PRKDC: variants seen among roughly 807,000 people sequenced by gnomAD.
PRKDC encodes the protein protein kinase, DNA-activated, catalytic subunit, also known as DNA-dependent protein kinase catalytic subunit.
A neutral mutation model predicts 486.9 loss-of-function variants in PRKDC; 82 were observed. The ratio of observed to expected loss-of-function variants is 0.17; its 90% CI spans 0.14 to 0.20. The LOEUF (loss-of-function observed/expected upper bound fraction) is 0.20. Ranked by LOEUF, PRKDC falls within the 10% of genes least tolerant of loss-of-function variation. The pLI is 1.00. For missense variants in PRKDC, 4,504 were observed against 5,038.2 expected, an observed-to-expected ratio of 0.89 and a Z score of 3.21; for synonymous variants, 1,895 against 1,837.0, an observed-to-expected ratio of 1.03 and a Z score of -0.81.
At chr8:47,821,566 A>C in intron 65 of PRKDC, 38 bp downstream of exon 65, 1 of 1,539,652 alleles carries the variant, frequency 6.5e-7, no homozygotes, top group Non-Finnish European at 8.8e-7. Flanking sequence ...CACCTATCTA[A>C]AATAATTATT....
chr8:47,947,619 T>G (rs1386955068), intron 7 of PRKDC, among the ~76,000 whole-genome samples: 1 of 151,994 alleles, frequency 6.6e-6, no homozygotes, highest in East Asian at 1.9e-4. Context: ...AATACAAAAA[T>G]TAGTTGGGGC....
rs2090207882 is a variant in PRKDC at position 47,929,167 on chromosome 8, T to C, written c.2064A>G (p.Pro688=). 2 of 1,570,886 alleles carry C rather than the reference T, an allele frequency of 1.3e-6. No homozygotes were observed. Among genetic ancestry groups the C allele is most frequent in the African/African-American group, 1.3e-5 (1 of 74,162 alleles). The change falls in exon 19 of 86, where the codon CCA becomes CCG. Residue 688 remains proline (P), a synonymous_variant. Transcript: ENST00000314191. The part of the protein sequence containing the change: ...KKIKYFEGVS[P]KSLKHSPEDP... ...CTTCAGGAGAGTGTTTCAGACTCTTTGGACTAACTCCCTGTCAAATAAAAC... is the reference window on the plus strand; with the variant it reads ...CTTCAGGAGAGTGTTTCAGACTCTTCGGACTAACTCCCTGTCAAATAAAAC...
intron 15 of PRKDC, among the ~76,000 whole-genome samples, chr8:47,933,465 C>T (rs2090292511): frequency 6.6e-6 from 1 of 152,244 alleles, no homozygotes; most frequent in South Asian, 2.1e-4. Flanking sequence ...AAGCATTTAC[C>T]CCAATTAATC....
At chr8:47,792,911 T>C (rs892054605) in intron 74 of PRKDC, among the ~76,000 whole-genome samples, 2 of 152,242 alleles carry the variant, frequency 1.3e-5, no homozygotes, top group African/African-American at 2.4e-5. Flanking sequence ...CACTATGATG[T>C]CCAGGTTGGA....
chr8:47,774,487 T>A, intron 85 of PRKDC, 110 bp from the exon 86 acceptor site: 4 of 1,029,088 alleles, frequency 3.9e-6, no homozygotes, highest in Non-Finnish European at 5.6e-6. Context: ...ACTCACAGAG[T>A]ATTTTCTGTG....
At chr8:47,825,587 T>A (rs2087721751) in intron 63 of PRKDC, among the ~76,000 whole-genome samples, 1 of 148,176 alleles carries the variant, frequency 6.7e-6, no homozygotes, top group Admixed American at 6.7e-5. Flanking sequence ...CACAAAAGTA[T>A]GAGAATGTAC....
rs1263066070 is a variant in PRKDC at position 47,859,651 on chromosome 8, G to T, written c.6167C>A (p.Ser2056Tyr). The T allele has an allele frequency of 6.2e-7, 1 of 1,613,796 alleles. No homozygotes were observed. Among genetic ancestry groups the T allele is most frequent in the African/African-American group, 1.3e-5 (1 of 74,910 alleles). Residue 2056 changes from serine to tyrosine, a missense_variant, in exon 46 of 86, where the codon TCC becomes TAC. By Grantham distance (144) the Ser-to-Tyr change is moderately radical. Around this residue, in one of 6 missense-constraint regions of PRKDC, gnomAD observed 1,592 missense variants for 1,724.6 expected, o/e 0.92. Coordinates refer to ENST00000314191, the MANE Select transcript of PRKDC (RefSeq NM_006904.7). ...ACCAGTGGCAGGTCTAGGGTCTTGGGAGCTGTATGAATAGCTCTGAACTCC... is the reference window on the plus strand; with the variant it reads ...ACCAGTGGCAGGTCTAGGGTCTTGGTAGCTGTATGAATAGCTCTGAACTCC... ...STGVQSYSYS[S>Y]QDPRPATGRF...
chr8:47,831,955 C>T lies in PRKDC; in HGVS notation c.8153-29G>A, dbSNP rs774869788. 15 of 1,584,152 alleles carry T rather than the reference C, an allele frequency of 9.5e-6. No homozygotes were observed. In the South Asian group the frequency reaches 1.7e-4, roughly 18 times the overall value. On this transcript the variant is annotated intron_variant, in intron 59 of 85. Transcript: ENST00000314191. ...GAGAGGGAAAGCAGGCCCAGTTACT[C>T]CCCGCCGCCCAGACACTTGGCTCTG...
chr8:47,874,357 T>C (rs1275343441), intron 40 of PRKDC, among the ~76,000 whole-genome samples: 2 of 152,194 alleles, frequency 1.3e-5, no homozygotes, highest in African/African-American at 4.8e-5. Flanking sequence ...GATTACACAT[T>C]ATACACCTGT....
chr8:47,802,755 C>T (rs1350300010), intron 70 of PRKDC, among the ~76,000 whole-genome samples: 1 of 151,932 alleles, frequency 6.6e-6, no homozygotes. Context: ...CGGGTTCACA[C>T]CATTCTCCTG....
At chr8:47,815,494 G>A (rs1486715279) in intron 68 of PRKDC, among the ~76,000 whole-genome samples, 2 of 152,182 alleles carry the variant, frequency 1.3e-5, no homozygotes, top group Non-Finnish European at 2.9e-5. Context: ...GTAGAAGACA[G>A]GTAAGATGAG....
Position 47,913,885 on chromosome 8 carries a change from T to C in PRKDC, c.2781+16A>G, listed in dbSNP as rs751824411. The C allele has an allele frequency of 1.3e-6, 2 of 1,583,554 alleles. No homozygotes were observed. Among genetic ancestry groups the C allele is most frequent in the South Asian group, 2.3e-5 (2 of 85,118 alleles). On this transcript the variant is annotated intron_variant, in intron 24 of 85. Coordinates refer to ENST00000314191, the MANE Select transcript of PRKDC (RefSeq NM_006904.7). ...AATAGGATCTAAATAATGGGTGAAA[T>C]GAAAAATAGAAGTACTTTAGTTTGT... is the stretch of plus-strand genomic sequence containing the variant.
chr8:47,834,854 C>A (rs2154499638), intron 58 of PRKDC, among the ~76,000 whole-genome samples: 1 of 152,006 alleles, frequency 6.6e-6, no homozygotes, highest in African/African-American at 2.4e-5. Context: ...CCACGCCCGG[C>A]TAATTTTTTG....
Position 47,943,362 on chromosome 8 carries a change from G to A in PRKDC, c.813C>T (p.Gly271=). The part of the protein sequence containing the change: ...DLKRYAVPSA[G]LRLFALHASQ... ...ATGCATGCAGGGCAAATAGGCGCAAGCCAGCTGCAAATGCAAATGCCATTA... is the reference window on the plus strand; with the variant it reads ...ATGCATGCAGGGCAAATAGGCGCAAACCAGCTGCAAATGCAAATGCCATTA... The change falls in exon 10 of 86, where the codon GGC becomes GGT. Residue 271 remains glycine (G), a synonymous_variant. Coordinates refer to ENST00000314191, the MANE Select transcript of PRKDC (RefSeq NM_006904.7). The A allele has an allele frequency of 6.3e-7, 1 of 1,597,360 alleles. No individual in the cohort carries two copies. The highest frequency in any genetic ancestry group is 8.5e-7 in the Non-Finnish European group (1 of 1,173,872).
At chr8:47,948,154 A>T (rs1003425452) in intron 7 of PRKDC, among the ~76,000 whole-genome samples, 7 of 150,844 alleles carry the variant, frequency 4.6e-5, no homozygotes, top group African/African-American at 1.7e-4. Flanking sequence ...ATATATAAAA[A>T]TTTTTTTTGA....
intron 16 of PRKDC, among the ~76,000 whole-genome samples, chr8:47,932,325 C>T (rs867579762): frequency 5.9e-4 from 88 of 150,314 alleles, no homozygotes; most frequent in South Asian, 1.1e-3. Context: ...CCTTGTGATC[C>T]GCCTGCCTCG....
At position 47,957,201 on chromosome 8, in the gene PRKDC, C is replaced by T. The variant is rs1177814898; in HGVS notation, c.294G>A (p.Gln98=). The change falls in exon 3 of 86, where the codon CAG becomes CAA. Residue 98 remains glutamine, a synonymous_variant. Transcript: ENST00000314191. ...FLCIFLEKMG[Q]KIAPYSVEIK... is the part of the protein sequence containing the mutation. ...TTTCAACAGAGTAAGGTGCGATCTT[C>T]TGGCCCATTTTTTCTAAGAAAATAC... is the stretch of plus-strand genomic sequence containing the variant. The T allele has an allele frequency of 6.3e-7, 1 of 1,597,638 alleles. No individual in the cohort carries two copies. Among genetic ancestry groups the T allele is most frequent in the Non-Finnish European group, 8.6e-7 (1 of 1,167,488 alleles).
In PRKDC at chr8:47,849,490, G is replaced by C. The variant is rs753149686; in HGVS notation, c.7019C>G (p.Ser2340Cys). Residue 2340 changes from serine (S) to cysteine (C), a missense_variant, in exon 53 of 86, where the codon TCT (serine) becomes TGT (cysteine). Physicochemically the swap from Ser to Cys is moderately radical, Grantham distance 112 (BLOSUM62 -1). Around this residue, in one of 6 missense-constraint regions of PRKDC, gnomAD observed 1,592 missense variants for 1,724.6 expected, o/e 0.92. Transcript: ENST00000314191. ...VMERKNILEE[S>C]LCELVAKQLK... Reference sequence around the variant, plus strand: ...TTGTTTCGCAACCAGTTCACACAGAGACTCCTCCAGTATCTGAAAAATTAA... The same window carrying C: ...TTGTTTCGCAACCAGTTCACACAGACACTCCTCCAGTATCTGAAAAATTAA... The C allele has an allele frequency of 6.8e-6, 11 of 1,612,934 alleles. No homozygotes were observed. Among genetic ancestry groups the C allele is most frequent in the Non-Finnish European group, 2.5e-6 (3 of 1,179,626 alleles).
chr8:47,830,814 C>G lies in PRKDC; in HGVS notation c.8266-78G>C, dbSNP rs527668512. ...AGTCGTGCATGAGCTATGAGGCTGCCAGGATCCCCTGAACCATGAGGGCGA... is the reference window on the plus strand; with the variant it reads ...AGTCGTGCATGAGCTATGAGGCTGCGAGGATCCCCTGAACCATGAGGGCGA... On this transcript the variant is annotated intron_variant, in intron 60 of 85. Coordinates refer to ENST00000314191, the MANE Select transcript of PRKDC (RefSeq NM_006904.7). 3.3e-4 allele frequency: 523 copies of G among 1,575,674 alleles called. 2 individuals are homozygous for G. In the African/African-American group the frequency reaches 6.6e-3, roughly 20 times the overall value.
Sources: allele counts gnomAD v4.1 joint callset (sites outside exome capture counted in the v4.1 genomes callset), GRCh38; gene constraint gnomAD v4.1.1; regional missense constraint gnomAD v4.1.1; transcripts MANE v1.5; gene names NCBI Gene and HGNC (gene_info 2026-07-23, HGNC 2026-07-21).